The following EXTL3 variants were observed in gnomAD, a reference collection of about 807,000 sequenced individuals.
EXTL3 encodes exostosin like glycosyltransferase 3.
EXTL3 carries 27 observed loss-of-function variants against 69.3 expected under a neutral mutation model. That is an observed-to-expected ratio of 0.39 (90% confidence interval 0.29 to 0.54). The LOEUF (loss-of-function observed/expected upper bound fraction) is 0.54. Ranked by LOEUF, EXTL3 falls within the 20% of genes least tolerant of loss-of-function variation. The pLI, the probability that EXTL3 is intolerant of heterozygous loss-of-function variation, is 0.69. For missense variants in EXTL3, 1,003 were observed against 1,231.8 expected, an observed-to-expected ratio of 0.81 and a Z score of 2.78; for synonymous variants, 511 against 499.4, an observed-to-expected ratio of 1.02 and a Z score of -0.31.
chr8:28,655,283 GA>G (rs1223598471), intron 1 of EXTL3, among the ~76,000 whole-genome samples: 1 of 151,882 alleles, frequency 6.6e-6, no homozygotes, highest in Non-Finnish European at 1.5e-5. Context: ...CTCTGTCTAA[GA>G]AAAAGAAGAA....
At chr8:28,660,800 C>T (rs1447883499) in intron 1 of EXTL3, among the ~76,000 whole-genome samples, 4 of 146,576 alleles carry the variant, frequency 2.7e-5, no homozygotes, top group Admixed American at 1.4e-4. Context: ...ACTTACTTAT[C>T]CCATGCTAAG....
rs570627195 is a variant in EXTL3, at chr8:28,712,856, T to C, written c.-569-601T>C. On this transcript the variant is annotated intron_variant, in intron 1 of 6. Coordinates refer to ENST00000220562, the MANE Select transcript of EXTL3 (RefSeq NM_001440.4). ...AGCACTAGAAATATTAGACTAACTA[T>C]AGTCAGTCTCCAAATGACTTTTTAA... 3.9e-5 allele frequency among the ~76,000 whole-genome samples: 6 copies of C among 152,378 alleles called. No individual in the cohort carries two copies. The East Asian group carries it at 1.2e-3, about 29-fold the overall frequency.
chr8:28,748,143 C>T (rs892205016), intron 6 of EXTL3, among the ~76,000 whole-genome samples: 3 of 152,062 alleles, frequency 2.0e-5, no homozygotes, highest in African/African-American at 4.8e-5. Flanking sequence ...GAGGCTGAGG[C>T]GGGCAGATCA....
intron 1 of EXTL3, among the ~76,000 whole-genome samples, chr8:28,653,047 C>T (rs546181630): frequency 1.3e-5 from 2 of 152,232 alleles, no homozygotes; most frequent in Admixed American, 6.5e-5. Context: ...TGCATATTTA[C>T]GTTAGAGGTC....
At chr8:28,686,660 T>C (rs901030284) in intron 1 of EXTL3, among the ~76,000 whole-genome samples, 2 of 152,176 alleles carry the variant, frequency 1.3e-5, no homozygotes, top group African/African-American at 4.8e-5. Context: ...CCAGCGATGA[T>C]AGTACCAGAT....
At position 28,743,128 on chromosome 8, in the gene EXTL3, C is replaced by T. The variant is rs1464570972; in HGVS notation, c.2464C>T (p.Arg822Trp). The T allele has an allele frequency of 3.7e-6, 6 of 1,614,092 alleles. No homozygotes were observed. The highest frequency in any genetic ancestry group is 3.4e-6 in the Non-Finnish European group (4 of 1,179,934). ...TTCTTATGTGATGCCCCAGGCCATCCGGGACATGGTGGATGAATACATCAA... is the reference window on the plus strand; with the variant it reads ...TTCTTATGTGATGCCCCAGGCCATCTGGGACATGGTGGATGAATACATCAA... ...LYSYVMPQAI[R>W]DMVDEYINCE... The change falls in exon 6 of 7, where the codon CGG (arginine) becomes TGG (tryptophan). Residue 822 changes from arginine (R) to tryptophan (W), a missense_variant. Arg to Trp is a moderately radical substitution (Grantham distance 101, BLOSUM62 -3). Around this residue, in one of 2 missense-constraint regions of EXTL3, gnomAD observed 261 missense variants for 416.4 expected, o/e 0.63. Coordinates refer to ENST00000220562, the MANE Select transcript of EXTL3 (RefSeq NM_001440.4).
chr8:28,747,658 T>C (rs1801915466), intron 6 of EXTL3, among the ~76,000 whole-genome samples: 1 of 152,080 alleles, frequency 6.6e-6, no homozygotes, highest in African/African-American at 2.4e-5. Flanking sequence ...TGGTGACTTA[T>C]TTATTTATAC....
chr8:28,723,639 T>G (rs569335961), intron 3 of EXTL3, among the ~76,000 whole-genome samples: 1,508 of 138,074 alleles, frequency 0.011, 32 homozygotes, highest in African/African-American at 0.041. Flanking sequence ...GGCTCAGGAC[T>G]GTTTTTTTTT....
chr8:28,703,099 A>G (rs551800613), intron 1 of EXTL3, among the ~76,000 whole-genome samples: 30 of 152,328 alleles, frequency 2.0e-4, no homozygotes, highest in Non-Finnish European at 3.4e-4. Flanking sequence ...GGAATTTCCC[A>G]TTCGTTTGCT....
intron 1 of EXTL3, among the ~76,000 whole-genome samples, chr8:28,662,198 A>G (rs754499940): frequency 6.6e-6 from 1 of 152,120 alleles, no homozygotes; most frequent in Non-Finnish European, 1.5e-5. Context: ...GCTCTCCTTG[A>G]AACATAAGAA....
intron 1 of EXTL3, among the ~76,000 whole-genome samples, chr8:28,665,642 G>A (rs941104204): frequency 5.9e-5 from 9 of 151,950 alleles, no homozygotes; most frequent in African/African-American, 9.6e-5. Context: ...TCCTGGGCTC[G>A]GGCAATCCGT....
rs367666905 is a variant in EXTL3, at chr8:28,717,624, C to T, written c.1565C>T (p.Thr522Ile). 4.3e-6 allele frequency: 7 copies of T among 1,614,236 alleles called. No homozygotes were observed. The highest frequency in any genetic ancestry group is 5.9e-6 in the Non-Finnish European group (7 of 1,180,040). The change falls in exon 3 of 7, where the codon ACT becomes ATT. Residue 522 changes from threonine to isoleucine, a missense_variant. Physicochemically the swap from Thr to Ile is moderately conservative, Grantham distance 89 (BLOSUM62 -1). Around this residue, in one of 2 missense-constraint regions of EXTL3, gnomAD observed 742 missense variants for 815.4 expected, o/e 0.91. Transcript: ENST00000220562. This position sits in a 1 kb window ranked among gnomAD's most constrained non-coding sequence, Gnocchi z 8.3. ...GRFLWETYFSTADSIFNTVLA... is the reference protein window; with the variant it reads ...GRFLWETYFSIADSIFNTVLA... Reference sequence around the variant, plus strand: ...TTTCTCTGGGAGACTTACTTCTCCACTGCTGACAGTATTTTTAATACCGTG... The same window carrying T: ...TTTCTCTGGGAGACTTACTTCTCCATTGCTGACAGTATTTTTAATACCGTG...
At chr8:28,732,225 G>C (rs1308543710) in intron 4 of EXTL3, among the ~76,000 whole-genome samples, 2 of 152,138 alleles carry the variant, frequency 1.3e-5, no homozygotes, top group African/African-American at 2.4e-5. Context: ...GCTACTCCAG[G>C]TATCTCAGGG....
intron 4 of EXTL3, among the ~76,000 whole-genome samples, chr8:28,736,839 T>C (rs368610884): frequency 3.9e-5 from 6 of 152,264 alleles, no homozygotes; most frequent in African/African-American, 1.4e-4. Context: ...GATCTTGCTC[T>C]GTTGCTCAGG....
At chr8:28,666,104 T>C (rs1284457130) in intron 1 of EXTL3, among the ~76,000 whole-genome samples, 1 of 152,242 alleles carries the variant, frequency 6.6e-6, no homozygotes, top group Non-Finnish European at 1.5e-5. Flanking sequence ...CAGCCTTTCT[T>C]TTTGCGCCTC....
intron 3 of EXTL3, among the ~76,000 whole-genome samples, chr8:28,725,565 A>G (rs1269120473): frequency 2.0e-5 from 3 of 152,200 alleles, no homozygotes; most frequent in Non-Finnish European, 4.4e-5. Context: ...GGGCTAAATT[A>G]TGTTCTATTT....
intron 4 of EXTL3, among the ~76,000 whole-genome samples, chr8:28,737,211 A>G (rs1801671530): frequency 6.6e-6 from 1 of 152,198 alleles, no homozygotes; most frequent in Admixed American, 6.5e-5. Flanking sequence ...AGCCCTCCTT[A>G]GTAGATATTG....
intron 1 of EXTL3, among the ~76,000 whole-genome samples, chr8:28,670,542 G>A (rs181842050): frequency 6.6e-6 from 1 of 152,324 alleles, no homozygotes; most frequent in African/African-American, 2.4e-5. Context: ...GTCCGTGCAA[G>A]TCTGAAGGAA....
At chr8:28,619,266 TAAAAAAAAAAAAAAAAAAAAAAAA>T (rs755355444), upstream of EXTL3, among the ~76,000 whole-genome samples, 270 of 64,638 alleles carry the variant, frequency 4.2e-3, 2 homozygotes, top group South Asian at 0.02. Flanking sequence ...AGCTTAGTGA[TAAAAAAAAAAAAAAAAAAAAAAAA>T]AAAAAAAAAA....
Sources: gnomAD v4.1 joint callset for allele counts (sites outside exome capture counted in the v4.1 genomes callset) on GRCh38, gnomAD v4.1.1 for gene constraint, gnomAD v4.1.1 regional missense constraint, Gnocchi (gnomAD v3.1) non-coding constraint, MANE v1.5 for transcripts, NCBI Gene and HGNC (gene_info 2026-07-23, HGNC 2026-07-21) for gene names.